COL22A1: variants seen among roughly 807,000 people sequenced by gnomAD.
COL22A1 encodes the protein collagen type XXII alpha 1 chain.
Under a neutral mutation model 248.9 loss-of-function variants are expected in COL22A1, and 221 were observed. The observed-to-expected ratio is 0.89, with a 90% CI of 0.80 to 0.99. COL22A1 has a LOEUF of 0.99. Ranked by LOEUF, COL22A1 falls within the 50% of genes least tolerant of loss-of-function variation. The pLI is 0.00. For synonymous variants in COL22A1, 891 were observed against 793.4 expected (o/e 1.12, Z -2.07); for missense variants, 2,240 against 2,179.0 (o/e 1.03, Z -0.56).
At chr8:138,703,256 T>C in intron 31 of COL22A1, 50 bp downstream of exon 31, 2 of 1,522,270 alleles carry the variant, frequency 1.3e-6, no homozygotes, top group Non-Finnish European at 1.8e-6. Context: ...GGAGTACGAA[T>C]CCCAATATAG....
chr8:138,767,821 A>G (rs1586693673), intron 16 of COL22A1, among the ~76,000 whole-genome samples: 1 of 152,030 alleles, frequency 6.6e-6, no homozygotes, highest in African/African-American at 2.4e-5. Context: ...AAAGCAGAAA[A>G]CCGCCGGCTG....
At chr8:138,589,727 G>A (rs1016085700) in intron 64 of COL22A1, among the ~76,000 whole-genome samples, 1 of 152,166 alleles carries the variant, frequency 6.6e-6, no homozygotes, top group Admixed American at 6.5e-5. Flanking sequence ...AGACCAGGTA[G>A]GGCATATTTC....
At chr8:138,750,818 C>G (rs1402122724) in intron 22 of COL22A1, among the ~76,000 whole-genome samples, 2 of 152,170 alleles carry the variant, frequency 1.3e-5, no homozygotes, top group Non-Finnish European at 2.9e-5. Flanking sequence ...TTGGTGGGAA[C>G]TGGGGACACA....
chr8:138,785,007 C>A (rs1234743839), intron 12 of COL22A1, among the ~76,000 whole-genome samples: 1 of 152,188 alleles, frequency 6.6e-6, no homozygotes, highest in African/African-American at 2.4e-5. Flanking sequence ...GCTATCCTCA[C>A]CCTACCTTCG....
At chr8:138,608,132 T>C (rs1818570069) in intron 56 of COL22A1, 143 bp from the exon 57 acceptor site, 2 of 574,970 alleles carry the variant, frequency 3.5e-6, no homozygotes, top group East Asian at 3.0e-5. Context: ...TACCACTTCA[T>C]TACTCAGAGG....
At chr8:138,886,202 G>A (rs903909007) in intron 1 of COL22A1, among the ~76,000 whole-genome samples, 1 of 152,208 alleles carries the variant, frequency 6.6e-6, no homozygotes, top group African/African-American at 2.4e-5. Context: ...GGTTAAACAT[G>A]TATTTGTTCC....
chr8:138,710,240 T>C (rs955969982), intron 30 of COL22A1, among the ~76,000 whole-genome samples: 1 of 152,194 alleles, frequency 6.6e-6, no homozygotes, highest in Non-Finnish European at 1.5e-5. Flanking sequence ...ACTGAGCTGC[T>C]CCACGCAAGA....
Position 138,780,941 on chromosome 8 carries a change from T to G in COL22A1, c.1636A>C (p.Ser546Arg). The G allele has an allele frequency of 1.9e-6, 3 of 1,613,654 alleles. No homozygotes were observed. The East Asian group carries it at 6.7e-5, about 36-fold the overall frequency. ...ACAGAACTTACTCTCATGCCTTTGC[T>G]GCCGTCTCTCCCAGGGGGGCCGGGC... ...GLPGPPGRDG[S>R]KGMRGEPGEL... The change falls in exon 13 of 65, where the codon AGC becomes CGC. Residue 546 changes from serine (S) to arginine (R), a missense_variant. Physicochemically the swap from Ser to Arg is moderately radical, Grantham distance 110. Coordinates refer to ENST00000303045, the MANE Select transcript of COL22A1 (RefSeq NM_152888.3).
intron 3 of COL22A1, among the ~76,000 whole-genome samples, chr8:138,852,899 T>C (rs1352558053): frequency 3.9e-5 from 6 of 152,012 alleles, no homozygotes; most frequent in African/African-American, 1.5e-4. Flanking sequence ...TCCCAGCATT[T>C]TGGGAAGCCA....
chr8:138,859,889 G>A (rs1196629556), intron 3 of COL22A1, among the ~76,000 whole-genome samples: 2 of 104,372 alleles, frequency 1.9e-5, no homozygotes, highest in Non-Finnish European at 4.6e-5. Flanking sequence ...GTAAAGCAAC[G>A]GTGGCTGTAG....
In COL22A1 at chr8:138,745,480, C is replaced by T. The variant is rs543392253; in HGVS notation, c.2085+5978G>A. ...TTATGCGTATTTTATAGGCATATTC[C>T]TATTGTATTTATAACTATGTTATGT... On this transcript the variant is annotated intron_variant, in intron 22 of 64. Transcript: ENST00000303045. 2.4e-4 allele frequency among the ~76,000 whole-genome samples: 36 copies of T among 152,064 alleles called. 1 individual carries two copies. The highest frequency in any genetic ancestry group is 8.5e-4 in the African/African-American group (35 of 41,400).
chr8:138,607,684 T>G (rs1322100232), intron 57 of COL22A1, among the ~76,000 whole-genome samples: 3 of 152,168 alleles, frequency 2.0e-5, no homozygotes, highest in Non-Finnish European at 2.9e-5. Flanking sequence ...AAATGTTTGT[T>G]TTGGGTGCCT....
chr8:138,747,009 TGA>T (rs1266039434), intron 22 of COL22A1, among the ~76,000 whole-genome samples: 4 of 152,210 alleles, frequency 2.6e-5, no homozygotes, highest in Non-Finnish European at 2.9e-5. Context: ...CAGAAATGTA[TGA>T]GATAGGCCCA....
intron 3 of COL22A1, among the ~76,000 whole-genome samples, chr8:138,849,453 C>A (rs1261790120): frequency 6.6e-6 from 1 of 152,188 alleles, no homozygotes; most frequent in African/African-American, 2.4e-5. Flanking sequence ...GAAAGAAAGG[C>A]ATAAAGAAGT....
intron 55 of COL22A1, 62 bp from the exon 56 acceptor site, chr8:138,613,982 C>G: frequency 1.5e-6 from 2 of 1,341,906 alleles, no homozygotes; most frequent in South Asian, 2.4e-5. Flanking sequence ...GATGGCATCC[C>G]AATTTCAAAT....
Position 138,630,698 on chromosome 8 carries a change from TGA to T in COL22A1, c.3658_3659del (p.Ser1220ThrfsTer90). 1 of 1,613,720 alleles carries T rather than the reference TGA, an allele frequency of 6.2e-7. No individual in the cohort carries two copies. Among genetic ancestry groups the T allele is most frequent in the Admixed American group, 1.7e-5 (1 of 60,022 alleles). On this transcript the variant is annotated frameshift_variant, in exon 50 of 65. Coordinates refer to ENST00000303045, the MANE Select transcript of COL22A1 (RefSeq NM_152888.3). LOFTEE classifies it high-confidence loss of function. Reference protein sequence around the residue: ...GAAGPPGIQGSPGKEGPPGPQ... With the variant: ...GAAGPPGIQGXPGKEGPPGPQ... ...TCCCATTCCTTGAGGAACTTACAGG[TGA>T]CCCTTGGATTCCTGGTGGTCCAGCA... is the stretch of plus-strand genomic sequence containing the variant.
intron 6 of COL22A1, chr8:138,826,041 G>C (rs1003629489): frequency 2.6e-5 from 4 of 152,342 alleles, no homozygotes; most frequent in African/African-American, 9.7e-5. Context: ...GTAAAGACAG[G>C]ACCCAGAGCT....
chr8:138,598,973 C>T (rs1817768245), intron 60 of COL22A1, 75 bp from the exon 61 acceptor site: 3 of 1,484,144 alleles, frequency 2.0e-6, no homozygotes, highest in Non-Finnish European at 2.8e-6. Context: ...AAAAGGGGTT[C>T]CCCCAGTCTG....
intron 4 of COL22A1, among the ~76,000 whole-genome samples, chr8:138,839,622 G>A (rs144068411): frequency 9.2e-5 from 14 of 152,246 alleles, no homozygotes; most frequent in South Asian, 2.1e-4. Context: ...TGAGTGAGAT[G>A]AGGGCAGGTG....
Sources: gnomAD v4.1 joint callset for allele counts (sites outside exome capture counted in the v4.1 genomes callset) on GRCh38, gnomAD v4.1.1 for gene constraint, MANE v1.5 for transcripts, NCBI Gene and HGNC (gene_info 2026-07-23, HGNC 2026-07-21) for gene names.